The following AGBL1 variants were observed in gnomAD, a reference collection of about 807,000 sequenced individuals.
The protein encoded by AGBL1 is AGBL carboxypeptidase 1.
Under a neutral mutation model 118.9 loss-of-function variants are expected in AGBL1, and 130 were observed. That is an observed-to-expected ratio of 1.09 (90% confidence interval 0.95 to 1.26). AGBL1 has a LOEUF of 1.26. Ranked by LOEUF, AGBL1 falls within the 50% of genes most tolerant of loss-of-function variation. The probability of loss-of-function intolerance (pLI) is 0.00; values close to 1 mark genes in which losing one functional copy is unlikely to be tolerated. For synonymous variants in AGBL1, 555 were observed against 478.9 expected (o/e 1.16, Z -2.08); for missense variants, 1,584 against 1,298.1 (o/e 1.22, Z -3.38).
At chr15:86,696,944 G>C (rs963982968) in intron 22 of AGBL1, among the ~76,000 whole-genome samples, 1 of 151,956 alleles carries the variant, frequency 6.6e-6, no homozygotes, top group East Asian at 1.9e-4. Context: ...TTTTTAGCTT[G>C]TAGGGTTTCT....
intron 21 of AGBL1, among the ~76,000 whole-genome samples, chr15:86,567,147 A>G (rs2083929209): frequency 6.6e-6 from 1 of 152,138 alleles, no homozygotes; most frequent in Non-Finnish European, 1.5e-5. Context: ...CCAACTCTTA[A>G]CCATAATCAT....
intron 17 of AGBL1, chr15:86,299,795 C>T (rs905519610): frequency 6.6e-6 from 1 of 152,052 alleles, no homozygotes; most frequent in African/African-American, 2.4e-5. Context: ...AGTTTGTATA[C>T]TCTTCCAGAA....
chr15:86,825,922 TAGATA>T (rs943457724), intron 22 of AGBL1, among the ~76,000 whole-genome samples: 5 of 144,882 alleles, frequency 3.5e-5, no homozygotes, highest in African/African-American at 1.3e-4. Flanking sequence ...GATAGATAGA[TAGATA>T]GATAGATAGA....
At chr15:86,126,217 C>G (rs553373665) in intron 1 of AGBL1, among the ~76,000 whole-genome samples, 2 of 152,206 alleles carry the variant, frequency 1.3e-5, no homozygotes, top group Non-Finnish European at 2.9e-5. Flanking sequence ...CTGGAATCCT[C>G]TGTTTTTGGG....
rs899041263 is a variant in AGBL1 at position 86,915,423 on chromosome 15, A to C, written c.*8129A>C. 1 of 152,248 alleles carries C rather than the reference A, an allele frequency of 6.6e-6. No homozygotes were observed. Among genetic ancestry groups the C allele is most frequent in the African/African-American group, 2.4e-5 (1 of 41,438 alleles). 9.4% of individuals were successfully genotyped at this position (152,248 alleles called of 1,614,324 possible). ...CTTGACATCAGCCCCTGTTAAAGTCATAAAAACTTACTTTCAATTCTCAGA... is the reference window on the plus strand; with the variant it reads ...CTTGACATCAGCCCCTGTTAAAGTCCTAAAAACTTACTTTCAATTCTCAGA... On this transcript the variant is annotated 3_prime_UTR_variant, in exon 23 of 23. Transcript: ENST00000614907.
intron 23 of AGBL1, among the ~76,000 whole-genome samples, chr15:86,965,726 A>T (rs1036637148): frequency 6.6e-6 from 1 of 151,990 alleles, no homozygotes; most frequent in African/African-American, 2.4e-5. Context: ...AGCTGGAAAA[A>T]CATCGTTCTC....
At position 86,912,734 on chromosome 15, in the gene AGBL1, C is replaced by T. The variant is rs971631403; in HGVS notation, c.*5440C>T. 6 of 152,160 alleles carry T rather than the reference C, an allele frequency of 3.9e-5. No individual in the cohort carries two copies. Among genetic ancestry groups the T allele is most frequent in the Admixed American group, 1.3e-4 (2 of 15,278 alleles). 9.4% of individuals were successfully genotyped at this position (152,160 alleles called of 1,614,324 possible). The stretch of plus-strand genomic sequence containing the variant: ...CAGGAAATGCCTGACATAAGTCATC[C>T]TTGTTAGGGCCACAGAAGAATGACT... On this transcript the variant is annotated 3_prime_UTR_variant, in exon 23 of 23. Transcript: ENST00000614907.
At chr15:86,643,606 T>TCA (rs1318273776) in intron 21 of AGBL1, among the ~76,000 whole-genome samples, 1 of 152,158 alleles carries the variant, frequency 6.6e-6, no homozygotes, top group Admixed American at 6.5e-5. Context: ...AAGAACTGAT[T>TCA]ATTGGATTTA....
intron 21 of AGBL1, among the ~76,000 whole-genome samples, chr15:86,654,702 G>A (rs79428239): frequency 0.09 from 13,657 of 152,044 alleles, 1,356 homozygotes; most frequent in African/African-American, 0.24. Context: ...AGGTGTCACC[G>A]ATGCTCTCCT....
chr15:86,753,045 C>T (rs1212485250), intron 22 of AGBL1, among the ~76,000 whole-genome samples: 1 of 152,096 alleles, frequency 6.6e-6, no homozygotes, highest in Non-Finnish European at 1.5e-5. Context: ...TTTTCTCCTC[C>T]TTGACAACTC....
At position 86,462,712 on chromosome 15, in the gene AGBL1, G is replaced by T. The variant is rs1216851422; in HGVS notation, c.2556-60098G>T. On this transcript the variant is annotated intron_variant, in intron 18 of 22. Transcript: ENST00000614907. The stretch of plus-strand genomic sequence containing the variant: ...TGGTTTTCTGTTCCTGTGTTAGTTT[G>T]CTGAGAATGATGGTTTCCAGCTTCA... Among the ~76,000 whole-genome samples the T allele has an allele frequency of 2.6e-5, 4 of 152,208 alleles. No homozygotes were observed. In the East Asian group the frequency reaches 7.8e-4, roughly 30 times the overall value.
chr15:86,826,047 T>A (rs1179454558), intron 22 of AGBL1, among the ~76,000 whole-genome samples: 4 of 147,346 alleles, frequency 2.7e-5, no homozygotes, highest in Non-Finnish European at 4.5e-5. Context: ...AAAAAAAAAA[T>A]ATTACAATCA....
At chr15:86,376,283 A>C (rs2081040096) in intron 17 of AGBL1, among the ~76,000 whole-genome samples, 1 of 152,216 alleles carries the variant, frequency 6.6e-6, no homozygotes, top group African/African-American at 2.4e-5. Flanking sequence ...CAGTTTCTGC[A>C]AAACTGCCCT....
At chr15:86,336,804 G>A (rs1362096081) in intron 17 of AGBL1, among the ~76,000 whole-genome samples, 1 of 152,182 alleles carries the variant, frequency 6.6e-6, no homozygotes, top group African/African-American at 2.4e-5. Context: ...GTTCCAGACT[G>A]GCTGCTGCCT....
intron 24 of AGBL1, chr15:86,988,126 G>T: frequency 6.2e-7 from 1 of 1,602,318 alleles, no homozygotes; most frequent in Non-Finnish European, 8.5e-7. Flanking sequence ...ATTGCTTGGG[G>T]CGGGGATTGC....
chr15:86,592,476 C>T (rs1567074338), intron 21 of AGBL1, among the ~76,000 whole-genome samples: 1 of 152,196 alleles, frequency 6.6e-6, no homozygotes, highest in Non-Finnish European at 1.5e-5. Flanking sequence ...TGTACATTGG[C>T]ATGGTTCCAG....
At chr15:86,229,162 A>G (rs2078415553) in intron 6 of AGBL1, among the ~76,000 whole-genome samples, 1 of 152,336 alleles carries the variant, frequency 6.6e-6, no homozygotes, top group African/African-American at 2.4e-5. Flanking sequence ...AATATAATAA[A>G]TCAAAACAAC....
In AGBL1 at chr15:86,449,864, C is replaced by T. The variant is rs544165761; in HGVS notation, c.2555+52318C>T. On this transcript the variant is annotated intron_variant, in intron 18 of 22. Transcript: ENST00000614907. ...CCCAGGAGAGCCATACTTTGGCTTG[C>T]TATGATGGCCAGTGACATCCATGGC... Among the ~76,000 whole-genome samples the T allele has an allele frequency of 5.3e-5, 8 of 152,242 alleles. 1 individual carries two copies. In the South Asian group the frequency reaches 1.7e-3, roughly 32 times the overall value.
intron 22 of AGBL1, among the ~76,000 whole-genome samples, chr15:86,827,117 GAGCAGGAAATAACT>G (rs1316775137): frequency 2.0e-5 from 3 of 150,196 alleles, no homozygotes; most frequent in Non-Finnish European, 4.4e-5. Context: ...TATGTATGAG[GAGCAGGAAATAACT>G]AGACTATTTG....
Sources: allele counts gnomAD v4.1 joint callset (sites outside exome capture counted in the v4.1 genomes callset), GRCh38; gene constraint gnomAD v4.1.1; transcripts MANE v1.5; gene names NCBI Gene and HGNC (gene_info 2026-07-23, HGNC 2026-07-21).